Variants in AKT2 observed in about 807,000 individuals in gnomAD.
AKT2 encodes RAC-beta serine/threonine-protein kinase.
AKT2 carries 16 observed loss-of-function variants against 58.6 expected under a neutral mutation model. The observed-to-expected ratio is 0.27, with a 90% CI of 0.18 to 0.41. AKT2 has a LOEUF of 0.41. Among genes scored for constraint, AKT2 ranks in the 10% least tolerant of loss-of-function variants. The pLI, the probability that AKT2 is intolerant of heterozygous loss-of-function variation, is 1.00. For missense variants in AKT2, 438 were observed against 661.0 expected (o/e 0.66, Z 3.70); for synonymous variants, 253 against 254.0 (o/e 1.00, Z 0.04).
Position 40,253,414 on chromosome 19 carries a change from A to G in AKT2, c.287+1744T>C, listed in dbSNP as rs116442705. On this transcript the variant is annotated intron_variant, in intron 4 of 13. Coordinates refer to ENST00000392038, the MANE Select transcript of AKT2 (RefSeq NM_001626.6). ...GGGCAAAGCTCCTTAATCTATAAAG[A>G]GCTAATACATAAATAAGAAAAAGAC... Among the ~76,000 whole-genome samples, 663 of 151,082 alleles carry G rather than the reference A, an allele frequency of 4.4e-3. 4 individuals are homozygous for G. The highest frequency in any genetic ancestry group is 0.015 in the African/African-American group (634 of 40,988).
chr19:40,240,509 C>G (rs1599972413), intron 6 of AKT2, among the ~76,000 whole-genome samples: 1 of 152,244 alleles, frequency 6.6e-6, no homozygotes, highest in Non-Finnish European at 1.5e-5. Context: ...GGTCCCCACA[C>G]AGCACCTCAG....
At position 40,285,077 on chromosome 19, in the gene AKT2, TC is replaced by T. The variant is rs1177742626; in HGVS notation, c.-85+103del. ...TGAAGGAGGGGCTCGAGGGCCGCGG[TC>T]CCCCCGCCGGGCACGGGTGGTACAG... is the stretch of plus-strand genomic sequence containing the variant. On this transcript the variant is annotated intron_variant, in intron 1 of 13. Transcript: ENST00000392038. 2.6e-5 allele frequency: 10 copies of T among 378,240 alleles called. No homozygotes were observed. In the East Asian group the frequency reaches 3.8e-4, roughly 14 times the overall value. 23.4% of individuals were successfully genotyped at this position (378,240 alleles called of 1,614,324 possible).
chr19:40,243,700 G>C (rs1479291089), intron 4 of AKT2: 1 of 152,052 alleles, frequency 6.6e-6, no homozygotes, highest in East Asian at 1.9e-4. Context: ...ACCAGCCTAG[G>C]TAACAAAGCA....
intron 2 of AKT2, among the ~76,000 whole-genome samples, chr19:40,258,078 C>G (rs1000880909): frequency 6.6e-6 from 1 of 151,638 alleles, no homozygotes; most frequent in Admixed American, 6.6e-5. Flanking sequence ...GAAACCCCAT[C>G]TCTACTAAAA....
rs999432576 is a variant in AKT2 at position 40,238,332 on chromosome 19, C to T, written c.709-241G>A. Among the ~76,000 whole-genome samples the T allele has an allele frequency of 6.6e-6, 1 of 152,168 alleles. No individual in the cohort carries two copies. The highest frequency in any genetic ancestry group is 1.5e-5 in the Non-Finnish European group (1 of 68,012). ...GAGGGTATGGGAGAGACATCCGAGA[C>T]AGGAGGGAGGATGGCATGGAGGCAA... On this transcript the variant is annotated intron_variant, in intron 8 of 13. Transcript: ENST00000392038. This position sits in a 1 kb window ranked among gnomAD's most constrained non-coding sequence, Gnocchi z 5.1.
chr19:40,234,911 G>A lies in AKT2; in HGVS notation c.1366+134C>T, dbSNP rs761052835. The A allele has an allele frequency of 1.5e-5, 13 of 865,928 alleles. No individual in the cohort carries two copies. In the East Asian group the frequency reaches 3.1e-4, roughly 21 times the overall value. The allele number at this position is 865,928 out of a possible 1,614,324, so 53.6% of individuals were successfully genotyped here. The stretch of plus-strand genomic sequence containing the variant: ...GAGGACCAACAGCAAAAGGGCCTGA[G>A]AGCAGACTTGGGGAAATCTCCCAGA... On this transcript the variant is annotated intron_variant, in intron 13 of 13. Transcript: ENST00000392038. This position sits in a 1 kb window ranked among gnomAD's most constrained non-coding sequence, Gnocchi z 4.7.
rs1973804233 is a variant in AKT2 at position 40,233,181 on chromosome 19, G to A, written c.*691C>T. The A allele has an allele frequency of 4.0e-6, 1 of 248,630 alleles. No individual in the cohort carries two copies. 15.4% of individuals were successfully genotyped at this position (248,630 alleles called of 1,614,324 possible). The stretch of plus-strand genomic sequence containing the variant: ...AAATGTTCCTCCTGCCTCATCCATA[G>A]GGTGAGGACAGTTTGGTGGGGAGGA... On this transcript the variant is annotated 3_prime_UTR_variant, in exon 14 of 14. Transcript: ENST00000392038. This position sits in a 1 kb window ranked among gnomAD's most constrained non-coding sequence, Gnocchi z 4.3.
In AKT2 at chr19:40,285,342, C is replaced by G. The variant is rs2077496752; in HGVS notation, c.-246G>C. On this transcript the variant is annotated 5_prime_UTR_variant, in exon 1 of 14. Coordinates refer to ENST00000392038, the MANE Select transcript of AKT2 (RefSeq NM_001626.6). Reference sequence around the variant, plus strand: ...TCCGAGGCAGGCCCAACGGCTAGCACGGCGCGGCCCCCCCCGCCCCCTCCC... The same window carrying G: ...TCCGAGGCAGGCCCAACGGCTAGCAGGGCGCGGCCCCCCCCGCCCCCTCCC... 2 of 390,774 alleles carry G rather than the reference C, an allele frequency of 5.1e-6. No homozygotes were observed. Among genetic ancestry groups the G allele is most frequent in the Non-Finnish European group, 9.0e-6 (2 of 221,046 alleles). The allele number at this position is 390,774 out of a possible 1,614,324, so 24.2% of individuals were successfully genotyped here. A position where few individuals can be genotyped will look rare whatever the true frequency, so the allele number is the denominator to read the frequency against.
In AKT2 at chr19:40,230,721, T is replaced by G. The variant is rs796900182; in HGVS notation, c.*3151A>C. On this transcript the variant is annotated 3_prime_UTR_variant, in exon 14 of 14. Transcript: ENST00000392038. ...TTTTTAATAGCATGTATCATGTTTTTTTTTTTTTTATTTTTAGAGACACAG... is the reference window on the plus strand; with the variant it reads ...TTTTTAATAGCATGTATCATGTTTTGTTTTTTTTTATTTTTAGAGACACAG... The G allele has an allele frequency of 4.3e-5, 9 of 208,288 alleles. No homozygotes were observed. Among genetic ancestry groups the G allele is most frequent in the African/African-American group, 2.0e-4 (9 of 43,966 alleles). 12.9% of individuals were successfully genotyped at this position (208,288 alleles called of 1,614,324 possible).
At chr19:40,258,029 C>T (rs758067701) in intron 2 of AKT2, among the ~76,000 whole-genome samples, 24 of 151,986 alleles carry the variant, frequency 1.6e-4, no homozygotes, top group Admixed American at 9.8e-4. Context: ...AGCGGATCAC[C>T]TGAGGTCGGG....
chr19:40,251,372 A>G (rs1316658244), intron 4 of AKT2, among the ~76,000 whole-genome samples: 1 of 152,224 alleles, frequency 6.6e-6, no homozygotes, highest in African/African-American at 2.4e-5. Flanking sequence ...TCATGTTCCA[A>G]TAAAACTTTA....
chr19:40,236,861 ATTTCTT>A, intron 9 of AKT2: 1 of 191,428 alleles, frequency 5.2e-6, no homozygotes, highest in South Asian at 9.1e-5. Flanking sequence ...CCATCTCCAT[ATTTCTT>A]AATATGAAAA....
At position 40,256,975 on chromosome 19, in the gene AKT2, G is replaced by A. The variant is rs1347826243; in HGVS notation, c.126C>T (p.Pro42=). 8 of 1,614,042 alleles carry A rather than the reference G, an allele frequency of 5.0e-6. No homozygotes were observed. The highest frequency in any genetic ancestry group is 5.9e-6 in the Non-Finnish European group (7 of 1,180,016). The change falls in exon 3 of 14, where the codon CCC becomes CCT. Residue 42 remains proline (P), a synonymous_variant. Coordinates refer to ENST00000392038, the MANE Select transcript of AKT2 (RefSeq NM_001626.6). ...DGSFIGYKER[P]EAPDQTLPPL... ...GGGGTAGAGTCTGATCAGGGGCCTC[G>A]GGCCTCTCCTTGTACCCAATGAAGG... is the stretch of plus-strand genomic sequence containing the variant.
chr19:40,274,506 A>G, intron 1 of AKT2: 1 of 158,676 alleles, frequency 6.3e-6, no homozygotes, highest in South Asian at 1.8e-4. Context: ...AAAATAAAAA[A>G]TAAATACATA....
At chr19:40,248,511 C>G (rs932681101) in intron 4 of AKT2, among the ~76,000 whole-genome samples, 1 of 152,212 alleles carries the variant, frequency 6.6e-6, no homozygotes, top group African/African-American at 2.4e-5. Context: ...AAACCAGGAC[C>G]TGAACAATGG....
At chr19:40,269,837 C>A (rs919934788) in intron 1 of AKT2, among the ~76,000 whole-genome samples, 1 of 152,196 alleles carries the variant, frequency 6.6e-6, no homozygotes, top group African/African-American at 2.4e-5. Context: ...ACTCTGCCCA[C>A]GCCCCTCCTG....
Position 40,233,373 on chromosome 19 carries a change from G to A in AKT2, c.*499C>T, listed in dbSNP as rs1051032305. On this transcript the variant is annotated 3_prime_UTR_variant, in exon 14 of 14. Transcript: ENST00000392038. The surrounding 1 kb of genome is among the most constrained non-coding windows in gnomAD (Gnocchi z 4.3). Reference sequence around the variant, plus strand: ...TATTGCTTTTCTGCCCCCATAGGGGGACAGCGGGTGGGGGATTGGACCGCC... The same window carrying A: ...TATTGCTTTTCTGCCCCCATAGGGGAACAGCGGGTGGGGGATTGGACCGCC... 2.4e-6 allele frequency: 1 copy of A among 424,560 alleles called. No homozygotes were observed. The highest frequency in any genetic ancestry group is 2.2e-5 in the South Asian group (1 of 45,376). 26.3% of individuals were successfully genotyped at this position (424,560 alleles called of 1,614,324 possible).
chr19:40,262,204 C>G (rs1438093680), intron 2 of AKT2, among the ~76,000 whole-genome samples: 1 of 148,628 alleles, frequency 6.7e-6, no homozygotes, highest in African/African-American at 2.5e-5. Context: ...GCTAGGAGTT[C>G]AAGACCCACC....
rs965624307 is a variant in AKT2 at position 40,235,832 on chromosome 19, C to T, written c.1175+58G>A. The stretch of plus-strand genomic sequence containing the variant: ...CTTGTGGACGCTGCCCCCTCCAGGC[C>T]GCAGGGACAGTGGCAGCAGCTGGCG... On this transcript the variant is annotated intron_variant, in intron 11 of 13. Transcript: ENST00000392038. The surrounding 1 kb of genome is among the most constrained non-coding windows in gnomAD (Gnocchi z 6.3). The T allele has an allele frequency of 3.9e-6, 6 of 1,536,324 alleles. No individual in the cohort carries two copies. In the African/African-American group the frequency reaches 4.1e-5, roughly 10 times the overall value.
Sources: gnomAD v4.1 joint callset for allele counts (sites outside exome capture counted in the v4.1 genomes callset) on GRCh38, gnomAD v4.1.1 for gene constraint, Gnocchi (gnomAD v3.1) non-coding constraint, MANE v1.5 for transcripts, NCBI Gene and HGNC (gene_info 2026-07-23, HGNC 2026-07-21) for gene names.